CSGALNACT1: variants seen among roughly 807,000 people sequenced by gnomAD.
CSGALNACT1 encodes chondroitin sulfate N-acetylgalactosaminyltransferase 1.
A neutral mutation model predicts 51.0 loss-of-function variants in CSGALNACT1; 52 were observed. The observed-to-expected ratio is 1.02, with a 90% CI of 0.82 to 1.29. The LOEUF (loss-of-function observed/expected upper bound fraction) is 1.29, where lower values mean the gene tolerates loss of function less well. Ranked by LOEUF, CSGALNACT1 falls within the 50% of genes most tolerant of loss-of-function variation. CSGALNACT1 has a pLI of 0.00. For synonymous variants in CSGALNACT1, 341 were observed against 254.4 expected (o/e 1.34, Z -3.24); for missense variants, 935 against 679.2 (o/e 1.38, Z -4.19).
At chr8:19,693,814 T>C (rs1368106777) in intron 1 of CSGALNACT1, among the ~76,000 whole-genome samples, 2 of 152,168 alleles carry the variant, frequency 1.3e-5, no homozygotes, top group African/African-American at 4.8e-5. Flanking sequence ...TTCCCCTTCT[T>C]GAATTCGGTA....
intron 1 of CSGALNACT1, among the ~76,000 whole-genome samples, chr8:19,618,414 G>A (rs1362127357): frequency 1.3e-5 from 2 of 151,902 alleles, no homozygotes; most frequent in African/African-American, 2.4e-5. Flanking sequence ...GCTGAGGTGG[G>A]TGAATCACTT....
At chr8:19,638,356 C>G (rs774527673) in intron 1 of CSGALNACT1, among the ~76,000 whole-genome samples, 1 of 152,108 alleles carries the variant, frequency 6.6e-6, no homozygotes, top group Non-Finnish European at 1.5e-5. Flanking sequence ...AAAAGCACTG[C>G]CCCAAGTGGC....
intron 3 of CSGALNACT1, among the ~76,000 whole-genome samples, chr8:19,575,300 C>T (rs888687901): frequency 3.9e-4 from 60 of 152,184 alleles, no homozygotes; most frequent in African/African-American, 1.4e-3. Context: ...AGTTAGCAAC[C>T]TTAATTCTCA....
intron 1 of CSGALNACT1, among the ~76,000 whole-genome samples, chr8:19,669,565 C>A (rs754579862): frequency 6.6e-6 from 1 of 152,208 alleles, no homozygotes; most frequent in Non-Finnish European, 1.5e-5. Context: ...GATTCTCCTC[C>A]TTCAGCCTCC....
chr8:19,718,132 A>G (rs2062918298), intron 1 of CSGALNACT1, among the ~76,000 whole-genome samples: 1 of 152,112 alleles, frequency 6.6e-6, no homozygotes, highest in African/African-American at 2.4e-5. Context: ...TCATGCTGTC[A>G]CCCAGGCTGG....
At chr8:19,483,696 C>T (rs531013669) in intron 4 of CSGALNACT1, among the ~76,000 whole-genome samples, 1 of 152,296 alleles carries the variant, frequency 6.6e-6, no homozygotes, top group South Asian at 2.1e-4. Context: ...ACCTTATCAC[C>T]ATCACTGATC....
intron 1 of CSGALNACT1, among the ~76,000 whole-genome samples, chr8:19,744,137 G>A (rs1368124551): frequency 6.6e-6 from 1 of 152,140 alleles, no homozygotes; most frequent in African/African-American, 2.4e-5. Flanking sequence ...GCACAAATCA[G>A]GCTCGATAAG....
At chr8:19,490,322 AAAAG>A (rs1486907155) in intron 4 of CSGALNACT1, among the ~76,000 whole-genome samples, 3 of 152,204 alleles carry the variant, frequency 2.0e-5, no homozygotes, top group Non-Finnish European at 4.4e-5. Context: ...GAAAGAGAGG[AAAAG>A]AGAGAGACAG....
chr8:19,408,886 C>T (rs368524321), intron 8 of CSGALNACT1, among the ~76,000 whole-genome samples, 192 bp from the exon 8 acceptor site: 102 of 151,382 alleles, frequency 6.7e-4, no homozygotes, highest in African/African-American at 2.4e-3. Context: ...ACACCAGTCC[C>T]AAAACAAGGT....
In CSGALNACT1 at chr8:19,564,867, G is replaced by T. The variant is rs899657587; in HGVS notation, c.-297+26293C>A. The stretch of plus-strand genomic sequence containing the variant: ...ACCTTTATCTGGGTTGTTCAGCACA[G>T]TTTCTCAAGCTCCTAGAACAGTGCC... On this transcript the variant is annotated intron_variant, in intron 3 of 9. Transcript: ENST00000454498. Among the ~76,000 whole-genome samples, 8 of 152,192 alleles carry T rather than the reference G, an allele frequency of 5.3e-5. No homozygotes were observed. The South Asian group carries it at 1.7e-3, about 31-fold the overall frequency.
intron 8 of CSGALNACT1, among the ~76,000 whole-genome samples, chr8:19,413,794 A>G (rs1046259816): frequency 6.6e-6 from 1 of 152,304 alleles, no homozygotes; most frequent in East Asian, 1.9e-4. Context: ...TGCCGTGGGC[A>G]TTAGAAATGA....
chr8:19,484,209 C>T (rs1462617506), intron 4 of CSGALNACT1, among the ~76,000 whole-genome samples: 1 of 114,238 alleles, frequency 8.8e-6, no homozygotes, highest in African/African-American at 3.4e-5. Flanking sequence ...TTCAGATACA[C>T]CAAAGAGAAG....
chr8:19,430,096 G>C (rs987462325), intron 6 of CSGALNACT1, among the ~76,000 whole-genome samples: 3 of 152,070 alleles, frequency 2.0e-5, no homozygotes, highest in African/African-American at 7.2e-5. Context: ...TCTCTCTCTA[G>C]TTATTGAATA....
At chr8:19,480,369 G>C (rs2071024979) in intron 4 of CSGALNACT1, among the ~76,000 whole-genome samples, 4 of 152,216 alleles carry the variant, frequency 2.6e-5, no homozygotes, top group African/African-American at 9.6e-5. Context: ...GCAGTATTTG[G>C]TCTTCTGTTT....
chr8:19,450,259 AGGGGAGGAGAGG>A (rs1273516931), intron 5 of CSGALNACT1, among the ~76,000 whole-genome samples: 3 of 58,928 alleles, frequency 5.1e-5, no homozygotes, highest in Non-Finnish European at 9.1e-5. Flanking sequence ...GGGGAGGAAC[AGGGGAGGAGAGG>A]GGGGAGGAGA....
intron 3 of CSGALNACT1, among the ~76,000 whole-genome samples, chr8:19,545,999 C>A (rs1222451676): frequency 6.6e-6 from 1 of 151,786 alleles, no homozygotes; most frequent in African/African-American, 2.4e-5. Context: ...GATTCCTCCA[C>A]AGATAGCCCA....
intron 1 of CSGALNACT1, among the ~76,000 whole-genome samples, chr8:19,738,064 A>G (rs1048010774): frequency 6.6e-6 from 1 of 152,204 alleles, no homozygotes; most frequent in Admixed American, 6.5e-5. Flanking sequence ...ATTTTGCAAC[A>G]ATAAAAAATG....
intron 5 of CSGALNACT1, among the ~76,000 whole-genome samples, chr8:19,456,994 G>A (rs1052525219): frequency 3.3e-5 from 5 of 152,148 alleles, no homozygotes; most frequent in Non-Finnish European, 5.9e-5. Flanking sequence ...CATGGAAGCC[G>A]ACTTCAGGCA....
intron 3 of CSGALNACT1, among the ~76,000 whole-genome samples, chr8:19,547,790 G>C (rs1218831457): frequency 1.3e-5 from 2 of 152,126 alleles, no homozygotes; most frequent in Non-Finnish European, 2.9e-5. Context: ...TCACTGATTT[G>C]TACAATAAAT....
Sources: allele counts gnomAD v4.1 joint callset (sites outside exome capture counted in the v4.1 genomes callset), GRCh38; gene constraint gnomAD v4.1.1; transcripts MANE v1.5; gene names NCBI Gene and HGNC (gene_info 2026-07-23, HGNC 2026-07-21).